Variants in SHISA9 observed in about 807,000 individuals in gnomAD.
The protein encoded by SHISA9 is protein shisa-9.
SHISA9 carries 13 observed loss-of-function variants against 38.0 expected under a neutral mutation model. The ratio of observed to expected loss-of-function variants is 0.34; its 90% CI spans 0.22 to 0.54. The LOEUF (loss-of-function observed/expected upper bound fraction) is 0.54, where lower values mean the gene tolerates loss of function less well. SHISA9 is among the 20% of genes least tolerant of loss of function. The pLI is 0.91. For synonymous variants in SHISA9, 275 were observed against 242.0 expected, an observed-to-expected ratio of 1.14 and a Z score of -1.27; for missense variants, 538 against 575.8, an observed-to-expected ratio of 0.93 and a Z score of 0.67.
At chr16:13,197,173 A>G (rs1473210891) in intron 2 of SHISA9, among the ~76,000 whole-genome samples, 1 of 152,084 alleles carries the variant, frequency 6.6e-6, no homozygotes, top group East Asian at 1.9e-4. Flanking sequence ...AGAGAGAGAG[A>G]GAGAGAGATA....
At chr16:13,413,088 T>C in the SHISA9 span, among the ~76,000 whole-genome samples, 10 of 152,044 alleles carry the variant, frequency 6.6e-5, no homozygotes, top group African/African-American at 2.4e-4. Flanking sequence ...AGATGAAAAC[T>C]CGGGGAACTT....
intron 2 of SHISA9, among the ~76,000 whole-genome samples, chr16:13,120,443 T>C (rs545505231): frequency 1.3e-5 from 2 of 152,286 alleles, no homozygotes; most frequent in African/African-American, 4.8e-5. Context: ...AAGCACCATA[T>C]TCATAGTGCC....
chr16:13,406,554 CCTT>C, the SHISA9 span, among the ~76,000 whole-genome samples: 1 of 152,178 alleles, frequency 6.6e-6, no homozygotes, highest in African/African-American at 2.4e-5. Flanking sequence ...GTCTTGTACT[CCTT>C]CTTCAAGAGC....
At chr16:13,325,974 G>A in the SHISA9 span, among the ~76,000 whole-genome samples, 329 of 150,626 alleles carry the variant, frequency 2.2e-3, no homozygotes, top group African/African-American at 7.7e-3. Context: ...CCTAGATGAC[G>A]GGTCGATGGG....
Position 13,225,268 on chromosome 16 carries a change from G to A in SHISA9, c.896-9762G>A, listed in dbSNP as rs531078897. ...AGAGCCTTCAGATGGAGCATGGCCC[G>A]GCCAACTTCTGGCCTTTGGAACTGC... On this transcript the variant is annotated intron_variant, in intron 4 of 4. Coordinates refer to ENST00000558583, the MANE Select transcript of SHISA9 (RefSeq NM_001145204.3). Among the ~76,000 whole-genome samples, 10 of 152,260 alleles carry A rather than the reference G, an allele frequency of 6.6e-5. No individual in the cohort carries two copies. In the South Asian group the frequency reaches 1.0e-3, roughly 16 times the overall value.
intron 2 of SHISA9, among the ~76,000 whole-genome samples, chr16:12,988,635 C>G (rs2072344176): frequency 6.6e-6 from 1 of 152,146 alleles, no homozygotes; most frequent in African/African-American, 2.4e-5. Flanking sequence ...ACCGATTCTC[C>G]TCCCTCAGCC....
chr16:13,504,605 A>G, the SHISA9 span, among the ~76,000 whole-genome samples: 2 of 152,220 alleles, frequency 1.3e-5, no homozygotes, highest in Non-Finnish European at 2.9e-5. Flanking sequence ...TCTTTGCCTA[A>G]GGGAGAAAAA....
chr16:13,406,219 C>A, the SHISA9 span, among the ~76,000 whole-genome samples: 3 of 152,146 alleles, frequency 2.0e-5, no homozygotes, highest in Admixed American at 6.6e-5. Flanking sequence ...AGTAGGAAAC[C>A]AAGACATTAT....
chr16:13,059,121 C>CTTTTTT (rs3075088), intron 2 of SHISA9, among the ~76,000 whole-genome samples: 50 of 74,870 alleles, frequency 6.7e-4, no homozygotes, highest in Non-Finnish European at 9.2e-4. Context: ...AAAACTCTAT[C>CTTTTTT]TTTTTTTTTT....
intron 2 of SHISA9, among the ~76,000 whole-genome samples, chr16:13,042,161 C>A (rs994930905): frequency 6.6e-6 from 1 of 152,156 alleles, no homozygotes; most frequent in Non-Finnish European, 1.5e-5. Context: ...GGTAGACAGT[C>A]TGCAAAACAC....
At chr16:13,533,326 T>C in the SHISA9 span, among the ~76,000 whole-genome samples, 15 of 152,324 alleles carry the variant, frequency 9.8e-5, no homozygotes, top group African/African-American at 3.6e-4. Context: ...ACCTATTCTG[T>C]GCCTGAAGCC....
At chr16:13,441,656 G>A in the SHISA9 span, among the ~76,000 whole-genome samples, 3 of 152,168 alleles carry the variant, frequency 2.0e-5, no homozygotes, top group Non-Finnish European at 4.4e-5. Context: ...TGATTCCCCT[G>A]TCCAGTCTGC....
At chr16:13,005,775 C>T (rs540107861) in intron 2 of SHISA9, among the ~76,000 whole-genome samples, 6 of 152,226 alleles carry the variant, frequency 3.9e-5, no homozygotes, top group South Asian at 4.1e-4. Context: ...GGGGAGGAGA[C>T]ATGGGAGTGA....
At chr16:13,353,085 G>T in the SHISA9 span, among the ~76,000 whole-genome samples, 3 of 152,136 alleles carry the variant, frequency 2.0e-5, no homozygotes, top group African/African-American at 7.2e-5. Context: ...AAAATTTTTG[G>T]TGGGTGGTAT....
chr16:13,317,730 T>A, the SHISA9 span, among the ~76,000 whole-genome samples: 2 of 152,196 alleles, frequency 1.3e-5, no homozygotes, highest in African/African-American at 4.8e-5. Context: ...AGCAAGTGCT[T>A]AATAAATGTT....
intron 1 of SHISA9, among the ~76,000 whole-genome samples, chr16:12,915,986 GT>G (rs71147769): frequency 6.1e-4 from 76 of 124,348 alleles, no homozygotes; most frequent in South Asian, 4.1e-3. Context: ...TGAACACTGA[GT>G]TTTTTTTTTG....
At chr16:13,031,705 C>T (rs7202772) in intron 2 of SHISA9, among the ~76,000 whole-genome samples, 118,188 of 152,072 alleles carry the variant, frequency 0.78, 46,395 homozygotes, top group African/African-American at 0.89. Flanking sequence ...ATCTATATCA[C>T]GAGGTTAAGG....
At chr16:12,952,818 T>G (rs1876111199) in intron 2 of SHISA9, among the ~76,000 whole-genome samples, 1 of 152,198 alleles carries the variant, frequency 6.6e-6, no homozygotes, top group African/African-American at 2.4e-5. Flanking sequence ...CTTTTCTTCA[T>G]AAATTACCCA....
chr16:13,444,409 GAGGGAGGGAGGAAGGAAGGAAGGAAGGA>G, the SHISA9 span, among the ~76,000 whole-genome samples: 2 of 112,516 alleles, frequency 1.8e-5, no homozygotes, highest in South Asian at 5.5e-4. Context: ...GGAAGGGAGG[GAGGGAGGGAGGAAGGAAGGAAGGAAGGA>G]AGGGAGGAAA....
Sources: allele counts gnomAD v4.1 joint callset (sites outside exome capture counted in the v4.1 genomes callset), GRCh38; gene constraint gnomAD v4.1.1; transcripts MANE v1.5; gene names NCBI Gene and HGNC (gene_info 2026-07-23, HGNC 2026-07-21).